Variants in ACTN1 observed in about 807,000 individuals in gnomAD.
ACTN1 encodes the protein alpha-actinin-1.
ACTN1 carries 30 observed loss-of-function variants against 119.6 expected under a neutral mutation model. That is an observed-to-expected ratio of 0.25 (90% CI 0.19 to 0.34). ACTN1 has a LOEUF of 0.34. Among genes scored for constraint, ACTN1 ranks in the 10% least tolerant of loss-of-function variants. The probability of loss-of-function intolerance (pLI) is 1.00; values close to 1 mark genes in which losing one functional copy is unlikely to be tolerated. For missense variants in ACTN1, 764 were observed against 1,223.4 expected, an observed-to-expected ratio of 0.62 and a Z score of 5.60; for synonymous variants, 429 against 472.6, an observed-to-expected ratio of 0.91 and a Z score of 1.20.
Position 68,890,033 on chromosome 14 carries a change from C to T in ACTN1, c.1234+106G>A, listed in dbSNP as rs1042111474. On this transcript the variant is annotated intron_variant, in intron 11 of 21. Coordinates refer to ENST00000394419, the MANE Select transcript of ACTN1 (RefSeq NM_001130004.2). ...TAAAGCCATGGAACTAGTAAGAGAC[C>T]AAATGAAACAAATGAAAAGCAAAGA... is the stretch of plus-strand genomic sequence containing the variant. 2.4e-5 allele frequency: 35 copies of T among 1,487,046 alleles called. No homozygotes were observed. The African/African-American group carries it at 4.1e-4, about 17-fold the overall frequency. 92.1% of individuals were successfully genotyped at this position (1,487,046 alleles called of 1,614,324 possible). A position where few individuals can be genotyped will look rare whatever the true frequency, so the allele number is the denominator to read the frequency against.
chr14:68,876,573 T>C (rs1004859984), intron 21 of ACTN1, among the ~76,000 whole-genome samples: 4 of 152,186 alleles, frequency 2.6e-5, no homozygotes, highest in Non-Finnish European at 4.4e-5. Context: ...GACAACCCCC[T>C]GCATCCATCC....
chr14:68,923,261 A>G (rs2034746085), intron 2 of ACTN1, among the ~76,000 whole-genome samples: 1 of 152,100 alleles, frequency 6.6e-6, no homozygotes, highest in Admixed American at 6.6e-5. Context: ...AAACAAGCGA[A>G]CCGAAAATGA....
At chr14:68,961,312 G>T (rs2036530719) in intron 1 of ACTN1, among the ~76,000 whole-genome samples, 1 of 152,196 alleles carries the variant, frequency 6.6e-6, no homozygotes, top group South Asian at 2.1e-4. Context: ...TGTACACTAT[G>T]ATTACCGCTA....
chr14:68,881,955 T>TTTTTTGTGA (rs58500225), intron 16 of ACTN1, among the ~76,000 whole-genome samples: 1 of 103,002 alleles, frequency 9.7e-6, no homozygotes. Flanking sequence ...TTTTTTTTTT[T>TTTTTTGTGA]GACAGAGTCT....
At chr14:68,950,973 G>A (rs972764867) in intron 1 of ACTN1, among the ~76,000 whole-genome samples, 1 of 152,168 alleles carries the variant, frequency 6.6e-6, no homozygotes, top group South Asian at 2.1e-4. Context: ...TTAGAGGGGG[G>A]CAATGTTATC....
Position 68,882,834 on chromosome 14 carries a change from T to C in ACTN1, c.1818+39A>G, listed in dbSNP as rs1435960666. On this transcript the variant is annotated intron_variant, in intron 15 of 21. Transcript: ENST00000394419. This position sits in a 1 kb window ranked among gnomAD's most constrained non-coding sequence, Gnocchi z 4.5. ...AAATGGACAAAAATCCCTGCCTTTA[T>C]GAAACTTACAATGGCTCGGCCCATG... is the stretch of plus-strand genomic sequence containing the variant. The C allele has an allele frequency of 1.3e-6, 2 of 1,594,224 alleles. No individual in the cohort carries two copies. The highest frequency in any genetic ancestry group is 3.5e-5 in the Admixed American group (2 of 57,918).
chr14:68,950,191 G>A (rs1039184481), intron 1 of ACTN1, among the ~76,000 whole-genome samples: 20 of 151,686 alleles, frequency 1.3e-4, no homozygotes, highest in African/African-American at 4.9e-4. Flanking sequence ...CTACTGGGGA[G>A]GCTGAGGCAG....
chr14:68,961,549 G>C (rs531626739), intron 1 of ACTN1, among the ~76,000 whole-genome samples: 322 of 152,324 alleles, frequency 2.1e-3, no homozygotes, highest in African/African-American at 7.2e-3. Context: ...GCCACACGGG[G>C]CACAGGGCGC....
intron 6 of ACTN1, among the ~76,000 whole-genome samples, chr14:68,905,907 C>G: frequency 6.6e-6 from 1 of 150,376 alleles, no homozygotes; most frequent in African/African-American, 2.5e-5. Flanking sequence ...TGCTTGAACC[C>G]GGGAGGCAGA....
intron 1 of ACTN1, among the ~76,000 whole-genome samples, chr14:68,927,666 G>C (rs886971397): frequency 6.6e-6 from 1 of 152,140 alleles, no homozygotes; most frequent in Non-Finnish European, 1.5e-5. Flanking sequence ...GAGGAAAGAG[G>C]ACGCAGCAGG....
intron 1 of ACTN1, among the ~76,000 whole-genome samples, chr14:68,973,273 A>T (rs767579321): frequency 6.6e-6 from 1 of 152,044 alleles, no homozygotes; most frequent in Non-Finnish European, 1.5e-5. Flanking sequence ...CCCCACCCAA[A>T]CGTCATCTTG....
At chr14:68,933,870 A>G (rs1050749598) in intron 1 of ACTN1, among the ~76,000 whole-genome samples, 1 of 151,958 alleles carries the variant, frequency 6.6e-6, no homozygotes, top group South Asian at 2.1e-4. Context: ...CCAGCTCCTC[A>G]GTAGGCTAAG....
chr14:68,887,420 A>G (rs2032108562), intron 11 of ACTN1: 2 of 760,884 alleles, frequency 2.6e-6, no homozygotes, highest in Admixed American at 7.3e-5. Context: ...TAAAATGTTC[A>G]AGATATTAAA....
Position 68,877,229 on chromosome 14 carries a change from T to C in ACTN1, c.2439A>G (p.Glu813=), listed in dbSNP as rs2031007047. 1 of 1,614,108 alleles carries C rather than the reference T, an allele frequency of 6.2e-7. No individual in the cohort carries two copies. The highest frequency in any genetic ancestry group is 2.2e-5 in the East Asian group (1 of 44,890). ...CCACAATGCTCATGATGCGGGCAAA[T>C]TCTGCTTCTCCCTGGAGGGAACAGC... is the stretch of plus-strand genomic sequence containing the variant. ...ISMGYNMGEA[E]FARIMSIVDP... is the part of the protein sequence containing the mutation. The change falls in exon 21 of 22, where the codon GAA becomes GAG. Residue 813 remains glutamate (E), a synonymous_variant. Transcript: ENST00000394419.
At chr14:68,905,762 C>T (rs1000395679) in intron 6 of ACTN1, among the ~76,000 whole-genome samples, 1 of 152,014 alleles carries the variant, frequency 6.6e-6, no homozygotes, top group East Asian at 1.9e-4. Flanking sequence ...GAGGCCGAGG[C>T]AGATGGATTG....
At chr14:68,881,421 C>G (rs1477902334) in intron 16 of ACTN1, among the ~76,000 whole-genome samples, 1 of 152,182 alleles carries the variant, frequency 6.6e-6, no homozygotes, top group Non-Finnish European at 1.5e-5. Flanking sequence ...TCCTGCTGTT[C>G]CGCCTCCTGG....
intron 10 of ACTN1, among the ~76,000 whole-genome samples, chr14:68,890,786 T>G (rs2032419769): frequency 6.6e-6 from 1 of 152,170 alleles, no homozygotes; most frequent in Non-Finnish European, 1.5e-5. Flanking sequence ...GACCCCGGCC[T>G]GGGTGAGCCG....
intron 3 of ACTN1, among the ~76,000 whole-genome samples, chr14:68,913,890 T>C (rs961323257): frequency 6.6e-5 from 10 of 152,186 alleles, no homozygotes; most frequent in African/African-American, 2.4e-4. Flanking sequence ...GCCAGCATTT[T>C]GCAGTCCACA....
rs1328588731 is a variant in ACTN1, at chr14:68,874,850, C to T, written c.*9G>A. 6 of 1,562,956 alleles carry T rather than the reference C, an allele frequency of 3.8e-6. No homozygotes were observed. Among genetic ancestry groups the T allele is most frequent in the Non-Finnish European group, 3.5e-6 (4 of 1,147,266 alleles). The stretch of plus-strand genomic sequence containing the variant: ...GGCGCACAAGACGAGGGCGGCCGGG[C>T]GGGGTGGATTAGAGGTCACTCTCGC... On this transcript the variant is annotated 3_prime_UTR_variant, in exon 22 of 22. Transcript: ENST00000394419.
Sources: gnomAD v4.1 joint callset for allele counts (sites outside exome capture counted in the v4.1 genomes callset) on GRCh38, gnomAD v4.1.1 for gene constraint, Gnocchi (gnomAD v3.1) non-coding constraint, MANE v1.5 for transcripts, NCBI Gene and HGNC (gene_info 2026-07-23, HGNC 2026-07-21) for gene names.